Variants in MAP3K5 observed in about 807,000 individuals in gnomAD.
MAP3K5 encodes mitogen-activated protein kinase kinase kinase 5.
A neutral mutation model predicts 158.7 loss-of-function variants in MAP3K5; 56 were observed. The observed-to-expected ratio is 0.35, with a 90% CI of 0.28 to 0.44. MAP3K5 has a LOEUF of 0.44. MAP3K5 is among the 20% of genes least tolerant of loss of function. MAP3K5 has a pLI of 1.00. For missense variants in MAP3K5, 1,294 were observed against 1,674.8 expected, an observed-to-expected ratio of 0.77 and a Z score of 3.97; for synonymous variants, 579 against 601.7, an observed-to-expected ratio of 0.96 and a Z score of 0.55.
chr6:136,616,326 T>C (rs1283703632), intron 15 of MAP3K5, among the ~76,000 whole-genome samples: 2 of 145,578 alleles, frequency 1.4e-5, no homozygotes, highest in South Asian at 2.2e-4. Flanking sequence ...TTTTTTGAGA[T>C]GGAGTTTCAC....
chr6:136,688,395 A>G (rs1448527364), intron 7 of MAP3K5, among the ~76,000 whole-genome samples: 1 of 152,176 alleles, frequency 6.6e-6, no homozygotes, highest in Non-Finnish European at 1.5e-5. Context: ...CATTCTGGAC[A>G]TGTATCCCAG....
At chr6:136,700,190 A>G (rs964932266) in intron 3 of MAP3K5, among the ~76,000 whole-genome samples, 1 of 152,130 alleles carries the variant, frequency 6.6e-6, no homozygotes, top group Non-Finnish European at 1.5e-5. Context: ...CACAATCAAA[A>G]TGCACAAATC....
intron 8 of MAP3K5, among the ~76,000 whole-genome samples, chr6:136,666,174 CT>C (rs1489738705): frequency 6.6e-6 from 1 of 152,126 alleles, no homozygotes; most frequent in East Asian, 1.9e-4. Flanking sequence ...ATCAGTGATT[CT>C]TCAAAAACTG....
At chr6:136,742,024 T>C (rs1162512640) in intron 1 of MAP3K5, among the ~76,000 whole-genome samples, 1 of 152,180 alleles carries the variant, frequency 6.6e-6, no homozygotes, top group Non-Finnish European at 1.5e-5. Context: ...AGATATTCCA[T>C]GTTCATAGAT....
In MAP3K5 at chr6:136,658,142, G is replaced by A. The variant is rs369578552; in HGVS notation, c.1526+1077C>T. Reference sequence around the variant, plus strand: ...AACATGGTGGTCTCTTCCTCACACGGTTTCTGTGATGAAAACAGCCGAGTC... The same window carrying A: ...AACATGGTGGTCTCTTCCTCACACGATTTCTGTGATGAAAACAGCCGAGTC... On this transcript the variant is annotated intron_variant, in intron 9 of 29. Coordinates refer to ENST00000359015, the MANE Select transcript of MAP3K5 (RefSeq NM_005923.4). 3.2e-4 allele frequency among the ~76,000 whole-genome samples: 49 copies of A among 152,204 alleles called. 3 individuals are homozygous for A. Among genetic ancestry groups the A allele is most frequent in the Admixed American group, 1.4e-3 (22 of 15,306 alleles).
chr6:136,602,960 TA>T (rs1029667713), intron 19 of MAP3K5, among the ~76,000 whole-genome samples: 10 of 151,948 alleles, frequency 6.6e-5, no homozygotes, highest in Non-Finnish European at 1.0e-4. Context: ...ACTGCTATTC[TA>T]AAAAAAATTA....
intron 6 of MAP3K5, among the ~76,000 whole-genome samples, chr6:136,695,616 C>T (rs773220012): frequency 2.0e-5 from 3 of 152,234 alleles, no homozygotes; most frequent in Non-Finnish European, 4.4e-5. Context: ...GAATGACCAT[C>T]TGGTGTTGAG....
Position 136,735,960 on chromosome 6 carries a change from T to C in MAP3K5, c.449-15371A>G, listed in dbSNP as rs1255542821. Among the ~76,000 whole-genome samples, 3 of 152,202 alleles carry C rather than the reference T, an allele frequency of 2.0e-5. No homozygotes were observed. In the East Asian group the frequency reaches 5.8e-4, roughly 29 times the overall value. On this transcript the variant is annotated intron_variant, in intron 1 of 29. Coordinates refer to ENST00000359015, the MANE Select transcript of MAP3K5 (RefSeq NM_005923.4). Reference sequence around the variant, plus strand: ...TATCTTGCATGCCATAGAAATATAATTGTAAGTAAGAAACACTATACCATT... The same window carrying C: ...TATCTTGCATGCCATAGAAATATAACTGTAAGTAAGAAACACTATACCATT...
In MAP3K5 at chr6:136,561,649, G is replaced by T. The variant is rs754643569; in HGVS notation, c.3875-4C>A. 5.6e-5 allele frequency: 87 copies of T among 1,550,814 alleles called. 1 individual carries two copies. Among genetic ancestry groups the T allele is most frequent in the Non-Finnish European group, 6.9e-5 (77 of 1,122,560 alleles). ...AATACAGGCAATTCAGGAATTTCTA[G>T]AACAGAATTTTGGGAAGATATTCTT... is the stretch of plus-strand genomic sequence containing the variant. On this transcript the variant is annotated splice_region_variant and splice_polypyrimidine_tract_variant and intron_variant, in intron 27 of 29. Coordinates refer to ENST00000359015, the MANE Select transcript of MAP3K5 (RefSeq NM_005923.4).
intron 3 of MAP3K5, among the ~76,000 whole-genome samples, chr6:136,699,948 T>C (rs1161088266): frequency 6.6e-6 from 1 of 151,904 alleles, no homozygotes; most frequent in Non-Finnish European, 1.5e-5. Context: ...ACAAAAATTA[T>C]CCAGGTGGGG....
At chr6:136,704,795 C>T (rs1781001580) in intron 3 of MAP3K5, among the ~76,000 whole-genome samples, 1 of 152,142 alleles carries the variant, frequency 6.6e-6, no homozygotes. Flanking sequence ...ATCTGCCTGC[C>T]TCTGCCTCCC....
chr6:136,692,594 T>C (rs1000584454), intron 7 of MAP3K5, among the ~76,000 whole-genome samples: 3 of 152,234 alleles, frequency 2.0e-5, no homozygotes, highest in African/African-American at 7.2e-5. Context: ...TTCCAACATT[T>C]ATAATTGTTA....
chr6:136,559,762 G>A (rs1414251921), intron 28 of MAP3K5, among the ~76,000 whole-genome samples: 2 of 151,994 alleles, frequency 1.3e-5, no homozygotes, highest in African/African-American at 4.8e-5. Context: ...TCCAACACGT[G>A]GCCTCAAGCA....
intron 13 of MAP3K5, among the ~76,000 whole-genome samples, chr6:136,637,842 G>A (rs1204259440): frequency 6.6e-6 from 1 of 152,114 alleles, no homozygotes; most frequent in African/African-American, 2.4e-5. Context: ...CATGCTATGC[G>A]ATGCCAGCTT....
chr6:136,559,371 CA>C (rs1243130908), intron 28 of MAP3K5, among the ~76,000 whole-genome samples: 2 of 124,064 alleles, frequency 1.6e-5, no homozygotes, highest in Admixed American at 1.5e-4. Flanking sequence ...AAAACAAAAA[CA>C]AAAACAAAAA....
chr6:136,573,603 T>C (rs1046145230), intron 25 of MAP3K5, among the ~76,000 whole-genome samples: 1 of 152,160 alleles, frequency 6.6e-6, no homozygotes, highest in Non-Finnish European at 1.5e-5. Context: ...AAGGGATTCA[T>C]GGAGGCTGAA....
chr6:136,654,958 C>T (rs1778680140), intron 10 of MAP3K5, among the ~76,000 whole-genome samples: 1 of 152,000 alleles, frequency 6.6e-6, no homozygotes, highest in Non-Finnish European at 1.5e-5. Flanking sequence ...AAGTCCTTTT[C>T]TTGCTTAAGG....
At chr6:136,641,649 GT>G (rs35443052) in intron 12 of MAP3K5, among the ~76,000 whole-genome samples, 20,576 of 146,718 alleles carry the variant, frequency 0.14, 3,982 homozygotes, top group African/African-American at 0.43. Flanking sequence ...CTTACAGAAG[GT>G]TTTTTTTTTT....
chr6:136,738,349 G>T (rs1050413183), intron 1 of MAP3K5, among the ~76,000 whole-genome samples: 1 of 152,094 alleles, frequency 6.6e-6, no homozygotes, highest in African/African-American at 2.4e-5. Flanking sequence ...TATAGCTGCG[G>T]ACCTGCTTGT....
Sources: gnomAD v4.1 joint callset for allele counts (sites outside exome capture counted in the v4.1 genomes callset) on GRCh38, gnomAD v4.1.1 for gene constraint, MANE v1.5 for transcripts, NCBI Gene and HGNC (gene_info 2026-07-23, HGNC 2026-07-21) for gene names.